WAPL: variants seen among roughly 807,000 people sequenced by gnomAD.
WAPL encodes wings apart-like protein homolog.
Under a neutral mutation model 121.0 loss-of-function variants are expected in WAPL, and 5 were observed. The ratio of observed to expected loss-of-function variants is 0.04; its 90% CI spans 0.02 to 0.09. WAPL has a LOEUF of 0.09. WAPL is among the 10% of genes least tolerant of loss of function. The probability of loss-of-function intolerance (pLI) is 1.00; values close to 1 mark genes in which losing one functional copy is unlikely to be tolerated. For missense variants in WAPL, 999 were observed against 1,410.8 expected (o/e 0.71, Z 4.68); for synonymous variants, 480 against 481.5 (o/e 1.00, Z 0.04).
chr10:86,469,761 A>G (rs1841493095), intron 8 of WAPL, among the ~76,000 whole-genome samples: 1 of 152,160 alleles, frequency 6.6e-6, no homozygotes, highest in African/African-American at 2.4e-5. Context: ...TGTCTGATTA[A>G]ATGTTTATAC....
chr10:86,488,048 C>T (rs751999957), intron 4 of WAPL, among the ~76,000 whole-genome samples: 5 of 151,922 alleles, frequency 3.3e-5, no homozygotes, highest in African/African-American at 7.3e-5. Flanking sequence ...ACATACATGA[C>T]GATTGTGAAA....
intron 4 of WAPL, among the ~76,000 whole-genome samples, chr10:86,489,885 G>GA (rs11429174): frequency 0.44 from 60,008 of 135,366 alleles, 13,709 homozygotes; most frequent in East Asian, 0.73. Flanking sequence ...GTTTTGCCTT[G>GA]AAAAAAAAAA....
At chr10:86,471,688 C>T (rs1841536341) in intron 7 of WAPL, among the ~76,000 whole-genome samples, 1 of 152,068 alleles carries the variant, frequency 6.6e-6, no homozygotes, top group South Asian at 2.1e-4. Context: ...AGGGCCTCAC[C>T]TCACTCTATC....
intron 1 of WAPL, among the ~76,000 whole-genome samples, chr10:86,519,551 G>A (rs976246653): frequency 5.3e-5 from 8 of 152,010 alleles, no homozygotes; most frequent in African/African-American, 1.9e-4. Context: ...TAATAATTTA[G>A]TCATCATACA....
At chr10:86,470,000 C>T (rs145378269) in intron 8 of WAPL, among the ~76,000 whole-genome samples, 1 of 151,936 alleles carries the variant, frequency 6.6e-6, no homozygotes, top group Non-Finnish European at 1.5e-5. Context: ...CTAGGACTTA[C>T]GAATGCACAC....
intron 8 of WAPL, among the ~76,000 whole-genome samples, chr10:86,469,449 T>TCA (rs748408548): frequency 1.3e-4 from 20 of 151,764 alleles, no homozygotes; most frequent in Admixed American, 2.6e-4. Context: ...AGATGGGGTT[T>TCA]CACCATGTTG....
chr10:86,443,159 T>C, intron 17 of WAPL, 116 bp downstream of exon 17: 4 of 715,134 alleles, frequency 5.6e-6, no homozygotes, highest in Non-Finnish European at 8.8e-6. Context: ...GTGGAATAAG[T>C]TGGACATTAA....
intron 4 of WAPL, among the ~76,000 whole-genome samples, chr10:86,490,141 G>A (rs1377530128): frequency 6.6e-6 from 1 of 151,808 alleles, no homozygotes; most frequent in East Asian, 1.9e-4. Context: ...TTGTACCTAG[G>A]AGGCAGAGGT....
Position 86,437,420 on chromosome 10 carries a change from C to T in WAPL, c.*123G>A, listed in dbSNP as rs7069799. On this transcript the variant is annotated 3_prime_UTR_variant, in exon 19 of 19. Transcript: ENST00000298767. ...AAGAAATCAGGTGGCCTTAAAAATC[C>T]AAACACGAATGATACTGATGAATGT... The T allele has an allele frequency of 7.6e-4, 769 of 1,018,158 alleles. 4 individuals carry two copies. In the African/African-American group the frequency reaches 0.011, roughly 15 times the overall value. 63.1% of individuals were successfully genotyped at this position (1,018,158 alleles called of 1,614,324 possible).
At chr10:86,505,065 A>G (rs1328404498) in intron 2 of WAPL, among the ~76,000 whole-genome samples, 1 of 152,134 alleles carries the variant, frequency 6.6e-6, no homozygotes. Context: ...AAAAAAATAA[A>G]AGCACTGATA....
At chr10:86,450,929 C>T (rs149599298) in intron 15 of WAPL, among the ~76,000 whole-genome samples, 1 of 152,288 alleles carries the variant, frequency 6.6e-6, no homozygotes, top group East Asian at 1.9e-4. Flanking sequence ...AAGAAACACT[C>T]TCATTCACAA....
At chr10:86,458,894 G>C in intron 12 of WAPL, 95 bp downstream of exon 12, 1 of 956,872 alleles carries the variant, frequency 1.0e-6, no homozygotes, top group Non-Finnish European at 1.6e-6. Context: ...GCATTTCATG[G>C]AGGAAGCTAA....
chr10:86,459,105 A>G, intron 11 of WAPL, 40 bp from the exon 12 acceptor site: 1 of 1,519,308 alleles, frequency 6.6e-7, no homozygotes, highest in Admixed American at 1.8e-5. Flanking sequence ...GCAATCCAAA[A>G]CTTTCATTCA....
chr10:86,461,466 C>T (rs546576483), intron 9 of WAPL, among the ~76,000 whole-genome samples, 179 bp from the exon 10 acceptor site: 22 of 151,448 alleles, frequency 1.5e-4, no homozygotes, highest in Non-Finnish European at 2.8e-4. Flanking sequence ...TTTTAACCAG[C>T]TTTTCATAGA....
intron 1 of WAPL, among the ~76,000 whole-genome samples, chr10:86,518,553 C>T (rs535234653): frequency 5.3e-5 from 8 of 152,248 alleles, no homozygotes; most frequent in African/African-American, 1.4e-4. Context: ...ACTAAAAATA[C>T]AAAAATTAGC....
intron 4 of WAPL, among the ~76,000 whole-genome samples, chr10:86,496,189 T>TA (rs1187101366): frequency 1.3e-5 from 2 of 151,908 alleles, no homozygotes; most frequent in Non-Finnish European, 2.9e-5. Flanking sequence ...AGTAAACACA[T>TA]AAAAAATGCT....
chr10:86,515,131 G>T (rs954203161), intron 2 of WAPL, among the ~76,000 whole-genome samples: 1 of 152,014 alleles, frequency 6.6e-6, no homozygotes, highest in South Asian at 2.1e-4. Context: ...ATGGTGGCAG[G>T]TGCCTAAAAT....
intron 2 of WAPL, 126 bp downstream of exon 2, chr10:86,517,445 A>G: frequency 7.5e-7 from 1 of 1,326,338 alleles, no homozygotes; most frequent in Non-Finnish European, 9.9e-7. Context: ...TTACAAAACT[A>G]TCAATGGTCC....
At chr10:86,517,321 T>C (rs1842574377) in intron 2 of WAPL, among the ~76,000 whole-genome samples, 1 of 152,196 alleles carries the variant, frequency 6.6e-6, no homozygotes, top group Admixed American at 6.5e-5. Flanking sequence ...GGAATTGGGG[T>C]TATAAACTTA....
Sources: gnomAD v4.1 joint callset for allele counts (sites outside exome capture counted in the v4.1 genomes callset) on GRCh38, gnomAD v4.1.1 for gene constraint, MANE v1.5 for transcripts, NCBI Gene and HGNC (gene_info 2026-07-23, HGNC 2026-07-21) for gene names.